OSBPL11: variants seen among roughly 807,000 people sequenced by gnomAD.
The protein encoded by OSBPL11 is oxysterol-binding protein-related protein 11.
OSBPL11 carries 33 observed loss-of-function variants against 84.4 expected under a neutral mutation model. The observed-to-expected ratio is 0.39, with a 90% confidence interval of 0.30 to 0.52. The LOEUF (loss-of-function observed/expected upper bound fraction) is 0.52. Ranked by LOEUF, OSBPL11 falls within the 20% of genes least tolerant of loss-of-function variation. The probability of loss-of-function intolerance (pLI) is 0.72; values close to 1 mark genes in which losing one functional copy is unlikely to be tolerated. For missense variants in OSBPL11, 736 were observed against 901.1 expected (o/e 0.82, Z 2.35); for synonymous variants, 276 against 310.2 (o/e 0.89, Z 1.16).
intron 5 of OSBPL11, among the ~76,000 whole-genome samples, chr3:125,575,294 C>T (rs1936305169): frequency 6.6e-6 from 1 of 151,996 alleles, no homozygotes; most frequent in Non-Finnish European, 1.5e-5. Flanking sequence ...TATAAGGCAA[C>T]ATCAAAGATT....
chr3:125,567,422 T>G lies in OSBPL11; in HGVS notation c.840A>C (p.Ala280=), dbSNP rs1230727826. ...DCFHILQLQH[A]SHQKGSLPSG... ...AAGGCAATGAGCCCTTCTGATGTGA[T>G]GCATGCTGTAACTGGAGAATATGAA... The change falls in exon 6 of 13, where the codon GCA becomes GCC. Residue 280 remains alanine, a synonymous_variant. Transcript: ENST00000296220. 1.2e-6 allele frequency: 2 copies of G among 1,614,042 alleles called. No homozygotes were observed. Among genetic ancestry groups the G allele is most frequent in the Non-Finnish European group, 1.7e-6 (2 of 1,179,994 alleles).
At chr3:125,557,625 G>A (rs373440229) in intron 8 of OSBPL11, among the ~76,000 whole-genome samples, 131 of 151,650 alleles carry the variant, frequency 8.6e-4, no homozygotes, top group African/African-American at 3.0e-3. Context: ...TGATCCACCC[G>A]CCTCAGCTTC....
At chr3:125,572,726 A>T (rs1936260277) in intron 5 of OSBPL11, among the ~76,000 whole-genome samples, 1 of 151,540 alleles carries the variant, frequency 6.6e-6, no homozygotes, top group Non-Finnish European at 1.5e-5. Flanking sequence ...TGGAACTGTA[A>T]GTCCATCCAA....
At chr3:125,554,366 G>A (rs529766508) in intron 8 of OSBPL11, among the ~76,000 whole-genome samples, 33 of 152,248 alleles carry the variant, frequency 2.2e-4, no homozygotes, top group African/African-American at 7.7e-4. Context: ...CCAAGTATGA[G>A]ATGAAAAAAT....
chr3:125,576,448 T>A, intron 4 of OSBPL11, 83 bp from the exon 5 acceptor site: 1 of 1,062,714 alleles, frequency 9.4e-7, no homozygotes, highest in Non-Finnish European at 1.3e-6. Flanking sequence ...CACTTAAGAT[T>A]TACACATGAG....
At chr3:125,578,381 G>C (rs2107608297) in intron 4 of OSBPL11, among the ~76,000 whole-genome samples, 1 of 152,264 alleles carries the variant, frequency 6.6e-6, no homozygotes, top group South Asian at 2.1e-4. Flanking sequence ...AGAGAACAGG[G>C]AGTGACTGCT....
At chr3:125,589,827 C>T (rs918268749) in intron 1 of OSBPL11, among the ~76,000 whole-genome samples, 1 of 152,178 alleles carries the variant, frequency 6.6e-6, no homozygotes, top group African/African-American at 2.4e-5. Context: ...TTCTATACTA[C>T]ACATTTGCAG....
chr3:125,577,830 A>C (rs1330516174), intron 4 of OSBPL11, among the ~76,000 whole-genome samples: 2 of 150,078 alleles, frequency 1.3e-5, no homozygotes, highest in Non-Finnish European at 3.0e-5. Flanking sequence ...CTCCATCTCA[A>C]AAAAAAAAAG....
intron 9 of OSBPL11, 104 bp from the exon 10 acceptor site, chr3:125,547,696 TTTCCTA>T: frequency 1.2e-6 from 1 of 850,116 alleles, no homozygotes; most frequent in Non-Finnish European, 1.8e-6. Flanking sequence ...CATCATTATT[TTTCCTA>T]ACCTTCATTT....
chr3:125,586,638 G>C (rs921173067), intron 1 of OSBPL11, among the ~76,000 whole-genome samples: 2 of 151,500 alleles, frequency 1.3e-5, no homozygotes, highest in Non-Finnish European at 2.9e-5. Flanking sequence ...TCAGCCTCCC[G>C]AGTAGCTGGG....
chr3:125,574,886 T>C (rs1936298762), intron 5 of OSBPL11, among the ~76,000 whole-genome samples: 1 of 152,198 alleles, frequency 6.6e-6, no homozygotes, highest in African/African-American at 2.4e-5. Context: ...CCATTCAAAG[T>C]GCAGGACAGA....
rs1055419 is a variant in OSBPL11 at position 125,594,988 on chromosome 3, G to A, written c.-188C>T. 0.056 allele frequency: 33,559 copies of A among 597,580 alleles called. 1,305 individuals carry two copies. Among genetic ancestry groups the A allele is most frequent in the African/African-American group, 0.15 (8,159 of 54,086 alleles). The allele number at this position is 597,580 out of a possible 1,614,324, so 37.0% of individuals were successfully genotyped here. On this transcript the variant is annotated 5_prime_UTR_variant, in exon 1 of 13. Transcript: ENST00000296220. ...ACATTCCCACAGAAGTTAAACTTTT[G>A]AGAGGGCAGGGGAAGCAACGAGGAC... is the stretch of plus-strand genomic sequence containing the variant.
chr3:125,571,330 A>C (rs939686477), intron 5 of OSBPL11, among the ~76,000 whole-genome samples: 3 of 152,250 alleles, frequency 2.0e-5, no homozygotes, highest in African/African-American at 7.2e-5. Flanking sequence ...ATAAAAGTTC[A>C]GAAAATTTGC....
chr3:125,580,514 C>CAAAAAAAAA (rs56041212), intron 2 of OSBPL11, among the ~76,000 whole-genome samples: 1 of 64,980 alleles, frequency 1.5e-5, no homozygotes, highest in African/African-American at 6.3e-5. Flanking sequence ...AACTCCGTCT[C>CAAAAAAAAA]AAAAAAAAAA....
chr3:125,556,580 T>C (rs1935994179), intron 8 of OSBPL11, among the ~76,000 whole-genome samples: 1 of 152,222 alleles, frequency 6.6e-6, no homozygotes, highest in African/African-American at 2.4e-5. Flanking sequence ...AACTTTGCCT[T>C]ATAATTTCAC....
At chr3:125,591,484 TGTGGCCA>T (rs1936593932) in intron 1 of OSBPL11, among the ~76,000 whole-genome samples, 1 of 152,112 alleles carries the variant, frequency 6.6e-6, no homozygotes, top group African/African-American at 2.4e-5. Context: ...AAGAAGCCCA[TGTGGCCA>T]GTGAACAAAG....
At chr3:125,570,450 G>A (rs1009317466) in intron 5 of OSBPL11, among the ~76,000 whole-genome samples, 7 of 151,934 alleles carry the variant, frequency 4.6e-5, no homozygotes, top group East Asian at 3.9e-4. Context: ...TCAAGAGTTC[G>A]AGGCTGCAGT....
intron 1 of OSBPL11, among the ~76,000 whole-genome samples, chr3:125,587,787 A>G (rs1936536481): frequency 6.6e-6 from 1 of 152,154 alleles, no homozygotes. Flanking sequence ...AAAAAATTAA[A>G]AATTAGCCAG....
chr3:125,546,815 AG>A (rs1211846970), intron 10 of OSBPL11, among the ~76,000 whole-genome samples: 1 of 152,046 alleles, frequency 6.6e-6, no homozygotes, highest in Non-Finnish European at 1.5e-5. Context: ...GCTTGAACCC[AG>A]GAGGCGGCTG....
Sources: allele counts gnomAD v4.1 joint callset (sites outside exome capture counted in the v4.1 genomes callset), GRCh38; gene constraint gnomAD v4.1.1; transcripts MANE v1.5; gene names NCBI Gene and HGNC (gene_info 2026-07-23, HGNC 2026-07-21).